Variants in DIP2C observed in about 807,000 individuals in gnomAD.
DIP2C encodes the protein disco-interacting protein 2 homolog C.
DIP2C carries 33 observed loss-of-function variants against 192.4 expected under a neutral mutation model. That is an observed-to-expected ratio of 0.17 (90% CI 0.13 to 0.23). The LOEUF (loss-of-function observed/expected upper bound fraction) is 0.23, where lower values mean the gene tolerates loss of function less well. Ranked by LOEUF, DIP2C falls within the 10% of genes least tolerant of loss-of-function variation. The probability of loss-of-function intolerance (pLI) is 1.00; values close to 1 mark genes in which losing one functional copy is unlikely to be tolerated. For missense variants in DIP2C, 1,537 were observed against 2,110.1 expected (o/e 0.73, Z 5.32); for synonymous variants, 979 against 864.1 (o/e 1.13, Z -2.33).
intron 23 of DIP2C, 24 bp downstream of exon 23, chr10:357,804 G>C: frequency 6.3e-7 from 1 of 1,581,514 alleles, no homozygotes; most frequent in Non-Finnish European, 8.7e-7. Flanking sequence ...GACGGTCGGG[G>C]AGACTCAGGG....
chr10:533,800 C>T (rs148132597), intron 1 of DIP2C, among the ~76,000 whole-genome samples: 4 of 152,118 alleles, frequency 2.6e-5, no homozygotes, highest in Non-Finnish European at 5.9e-5. Context: ...CTCCTGAGGC[C>T]GTGTCACAGA....
chr10:468,888 C>T (rs916832686), intron 3 of DIP2C, among the ~76,000 whole-genome samples: 11 of 152,216 alleles, frequency 7.2e-5, no homozygotes, highest in Admixed American at 5.2e-4. Flanking sequence ...GGACTGTCTT[C>T]CTAATCGTTC....
intron 14 of DIP2C, among the ~76,000 whole-genome samples, chr10:385,498 T>C (rs190135389): frequency 1.3e-5 from 2 of 152,362 alleles, no homozygotes; most frequent in Admixed American, 6.5e-5. Flanking sequence ...CGGTGTGTTA[T>C]GCTAACTTTT....
intron 1 of DIP2C, chr10:665,403 T>A (rs1181771797): frequency 6.6e-6 from 1 of 152,286 alleles, no homozygotes; most frequent in Middle Eastern, 3.4e-3. Context: ...AATTATGTAA[T>A]CTAAAGAAAA....
chr10:641,530 CA>C (rs937442012), intron 1 of DIP2C, among the ~76,000 whole-genome samples: 2 of 152,216 alleles, frequency 1.3e-5, no homozygotes, highest in African/African-American at 4.8e-5. Context: ...CCCACCTGGT[CA>C]GTACCCAGGG....
At chr10:416,728 CAG>C (rs1468489909) in intron 6 of DIP2C, among the ~76,000 whole-genome samples, 1 of 152,138 alleles carries the variant, frequency 6.6e-6, no homozygotes, top group Non-Finnish European at 1.5e-5. Context: ...ATGAACAAGA[CAG>C]AGGACCAAGA....
At chr10:369,757 AG>A in intron 17 of DIP2C, 124 bp from the exon 18 acceptor site, 1 of 1,517,744 alleles carries the variant, frequency 6.6e-7, no homozygotes, top group Non-Finnish European at 9.0e-7. Flanking sequence ...CCCCAGGCAC[AG>A]TGCTGGCTGC....
intron 1 of DIP2C, among the ~76,000 whole-genome samples, chr10:495,334 T>A (rs1844746816): frequency 6.6e-6 from 1 of 152,230 alleles, no homozygotes; most frequent in African/African-American, 2.4e-5. Context: ...ATGTACCATC[T>A]GCCTGAAATT....
chr10:545,645 T>C (rs962617842), intron 1 of DIP2C, among the ~76,000 whole-genome samples: 6 of 152,200 alleles, frequency 3.9e-5, no homozygotes, highest in African/African-American at 1.4e-4. Flanking sequence ...AATAAGATGC[T>C]GTTTAAGCCT....
chr10:380,904 C>CA (rs1424069611), intron 17 of DIP2C, among the ~76,000 whole-genome samples: 1 of 152,186 alleles, frequency 6.6e-6, no homozygotes, highest in Admixed American at 6.5e-5. Flanking sequence ...GCTCATTTTC[C>CA]AAAAACACGC....
intron 36 of DIP2C, 35 bp from the exon 37 acceptor site, chr10:277,612 T>C (rs748765098): frequency 1.9e-6 from 3 of 1,606,942 alleles, no homozygotes; most frequent in Non-Finnish European, 2.6e-6. Context: ...CATTATATGT[T>C]TATTAATGCT....
chr10:328,700 A>G (rs1957373853), intron 30 of DIP2C, among the ~76,000 whole-genome samples: 1 of 152,238 alleles, frequency 6.6e-6, no homozygotes, highest in South Asian at 2.1e-4. Context: ...TGCAGGACAG[A>G]TAAATGTACT....
At chr10:534,377 G>A (rs1417501485) in intron 1 of DIP2C, among the ~76,000 whole-genome samples, 2 of 152,222 alleles carry the variant, frequency 1.3e-5, no homozygotes, top group Admixed American at 6.5e-5. Context: ...GAAGCAGCCT[G>A]GGTCCCTGCT....
intron 1 of DIP2C, among the ~76,000 whole-genome samples, chr10:615,804 C>G (rs566820191): frequency 1.3e-5 from 2 of 152,166 alleles, no homozygotes; most frequent in African/African-American, 4.8e-5. Context: ...AGATTACACT[C>G]CTCCAAACAG....
intron 8 of DIP2C, among the ~76,000 whole-genome samples, chr10:410,103 C>T (rs367755109): frequency 3.9e-5 from 6 of 152,192 alleles, no homozygotes; most frequent in African/African-American, 1.4e-4. Flanking sequence ...CAAATTAAAA[C>T]ACCCTGAATT....
chr10:389,248 G>A (rs1346860798), intron 13 of DIP2C, among the ~76,000 whole-genome samples: 7 of 152,094 alleles, frequency 4.6e-5, no homozygotes, highest in Admixed American at 6.5e-5. Flanking sequence ...ACATCACAAC[G>A]TCTCAGAACA....
intron 17 of DIP2C, among the ~76,000 whole-genome samples, chr10:372,261 G>C (rs1015346383): frequency 6.6e-6 from 1 of 152,090 alleles, no homozygotes; most frequent in Non-Finnish European, 1.5e-5. Flanking sequence ...TATTAGTAGA[G>C]ACGGGGTTTC....
chr10:345,009 G>A lies in DIP2C; in HGVS notation c.3333C>T (p.Ile1111=), dbSNP rs1384329884. The A allele has an allele frequency of 6.2e-7, 1 of 1,612,708 alleles. No homozygotes were observed. Among genetic ancestry groups the A allele is most frequent in the Non-Finnish European group, 8.5e-7 (1 of 1,179,722 alleles). ...AAVDVRTWPL[I]LDTDDLPKKR... is the part of the protein sequence containing the mutation. ...AGCTAAAGCACCAACCTGTGTCCAG[G>A]ATGAGGGGCCACGTCCTGACGTCCA... The change falls in exon 27 of 37, where the codon ATC becomes ATT. Residue 1111 remains isoleucine (I), a synonymous_variant. Coordinates refer to ENST00000280886, the MANE Select transcript of DIP2C (RefSeq NM_014974.3).
chr10:346,760 C>G (rs1958496217), intron 26 of DIP2C, among the ~76,000 whole-genome samples: 1 of 126,434 alleles, frequency 7.9e-6, no homozygotes, highest in Non-Finnish European at 1.6e-5. Flanking sequence ...GCATAGTTCT[C>G]CCGGAAACGT....
Sources: gnomAD v4.1 joint callset for allele counts (sites outside exome capture counted in the v4.1 genomes callset) on GRCh38, gnomAD v4.1.1 for gene constraint, MANE v1.5 for transcripts, NCBI Gene and HGNC (gene_info 2026-07-23, HGNC 2026-07-21) for gene names.